The following KDM4C variants were observed in gnomAD, a reference collection of about 807,000 sequenced individuals.
KDM4C encodes the protein lysine-specific demethylase 4C.
In KDM4C, 81 loss-of-function variants were observed where a neutral mutation model predicts 129.3. The ratio of observed to expected loss-of-function variants is 0.63; its 90% CI spans 0.52 to 0.75. The LOEUF (loss-of-function observed/expected upper bound fraction) is 0.75. KDM4C is among the 30% of genes least tolerant of loss of function. The pLI is 0.00. For synonymous variants in KDM4C, 573 were observed against 456.1 expected (o/e 1.26, Z -3.26); for missense variants, 1,457 against 1,304.0 (o/e 1.12, Z -1.81).
At chr9:6,815,305 A>G (rs1831879634) in intron 4 of KDM4C, among the ~76,000 whole-genome samples, 1 of 152,048 alleles carries the variant, frequency 6.6e-6, no homozygotes, top group Non-Finnish European at 1.5e-5. Flanking sequence ...TTAAAACCCT[A>G]ATTCTAAAAG....
intron 17 of KDM4C, among the ~76,000 whole-genome samples, chr9:7,084,500 T>G (rs77928848): frequency 1.3e-5 from 2 of 152,374 alleles, no homozygotes; most frequent in African/African-American, 4.8e-5. Context: ...GGCCTTCTCC[T>G]TAATAACTTT....
At chr9:7,032,317 A>G (rs1826914718) in intron 15 of KDM4C, among the ~76,000 whole-genome samples, 1 of 152,178 alleles carries the variant, frequency 6.6e-6, no homozygotes, top group African/African-American at 2.4e-5. Context: ...ATTAAAGAAA[A>G]TTTGTATGGT....
At chr9:6,811,276 C>T (rs548115171) in intron 3 of KDM4C, among the ~76,000 whole-genome samples, 9 of 152,282 alleles carry the variant, frequency 5.9e-5, no homozygotes, top group Admixed American at 3.9e-4. Context: ...GCCTCAGCCT[C>T]CCGAGCAGCT....
At position 6,797,646 on chromosome 9, in the gene KDM4C, G is replaced by A. The variant is rs1248363444; in HGVS notation, c.144+4514G>A. On this transcript the variant is annotated intron_variant, in intron 2 of 21. Coordinates refer to ENST00000381309, the MANE Select transcript of KDM4C (RefSeq NM_015061.6). Reference sequence around the variant, plus strand: ...ATCTGAACATAGATTGTCCTGGACTGTAGCTTATGCACATCATGTAGTTTT... The same window carrying A: ...ATCTGAACATAGATTGTCCTGGACTATAGCTTATGCACATCATGTAGTTTT... 5.3e-5 allele frequency among the ~76,000 whole-genome samples: 8 copies of A among 152,186 alleles called. No homozygotes were observed. The East Asian group carries it at 1.3e-3, about 26-fold the overall frequency.
At chr9:6,795,259 T>C (rs1214975332) in intron 2 of KDM4C, among the ~76,000 whole-genome samples, 3 of 152,232 alleles carry the variant, frequency 2.0e-5, no homozygotes, top group African/African-American at 7.2e-5. Context: ...ATGCTACTTG[T>C]AACCCACTAC....
At chr9:6,897,606 C>G (rs1816670807) in intron 8 of KDM4C, among the ~76,000 whole-genome samples, 1 of 152,122 alleles carries the variant, frequency 6.6e-6, no homozygotes, top group South Asian at 2.1e-4. Context: ...TCATTTGCTG[C>G]TGATGGGCAG....
intron 8 of KDM4C, among the ~76,000 whole-genome samples, chr9:6,905,649 T>G (rs551747762): frequency 1.3e-5 from 2 of 152,290 alleles, no homozygotes; most frequent in East Asian, 3.9e-4. Context: ...GATTTGTAGG[T>G]GGGTTTAACT....
At chr9:7,156,155 T>G (rs1843148552) in intron 19 of KDM4C, among the ~76,000 whole-genome samples, 1 of 152,254 alleles carries the variant, frequency 6.6e-6, no homozygotes, top group South Asian at 2.1e-4. Context: ...AAGTGTCTTC[T>G]TTTGAGAAGG....
At chr9:6,920,974 C>T (rs1411413342) in intron 8 of KDM4C, among the ~76,000 whole-genome samples, 2 of 152,098 alleles carry the variant, frequency 1.3e-5, no homozygotes, top group Non-Finnish European at 2.9e-5. Flanking sequence ...CTTACATGAC[C>T]TCCTGGCAGC....
chr9:6,947,833 T>G (rs1286887841), intron 8 of KDM4C, among the ~76,000 whole-genome samples: 1 of 152,138 alleles, frequency 6.6e-6, no homozygotes, highest in Non-Finnish European at 1.5e-5. Context: ...TGATATTTTT[T>G]TTTTACCAGC....
At chr9:6,987,733 T>C (rs921305490) in intron 11 of KDM4C, among the ~76,000 whole-genome samples, 4 of 152,186 alleles carry the variant, frequency 2.6e-5, no homozygotes, top group Non-Finnish European at 5.9e-5. Flanking sequence ...TATCTTTTTA[T>C]GTAGAATTGT....
intron 12 of KDM4C, among the ~76,000 whole-genome samples, chr9:7,000,045 C>A (rs1342331680): frequency 6.6e-6 from 1 of 152,180 alleles, no homozygotes. Flanking sequence ...TGATAGGTCA[C>A]AGCCAGTGTT....
chr9:6,966,801 C>G (rs1435421553), intron 8 of KDM4C, among the ~76,000 whole-genome samples: 1 of 152,098 alleles, frequency 6.6e-6, no homozygotes, highest in Non-Finnish European at 1.5e-5. Flanking sequence ...CAAGATTTAT[C>G]TTAGACCTGA....
chr9:6,890,687 G>C (rs1845995585), intron 7 of KDM4C, among the ~76,000 whole-genome samples: 1 of 151,774 alleles, frequency 6.6e-6, no homozygotes, highest in African/African-American at 2.4e-5. Flanking sequence ...GAGAAGGTTT[G>C]TAGGTAGGAT....
chr9:6,934,226 AATCCT>A (rs370620441), intron 8 of KDM4C, among the ~76,000 whole-genome samples: 234 of 151,992 alleles, frequency 1.5e-3, no homozygotes, highest in Non-Finnish European at 2.6e-3. Flanking sequence ...TCACGCCGGT[AATCCT>A]ATCACTTTGG....
At chr9:7,102,659 G>A (rs984373146) in intron 17 of KDM4C, among the ~76,000 whole-genome samples, 26 of 152,156 alleles carry the variant, frequency 1.7e-4, no homozygotes, top group African/African-American at 3.4e-4. Flanking sequence ...ATTCTTGCAC[G>A]TCTCTGATAA....
At chr9:6,962,187 A>G (rs1830156554) in intron 8 of KDM4C, among the ~76,000 whole-genome samples, 1 of 152,236 alleles carries the variant, frequency 6.6e-6, no homozygotes, top group South Asian at 2.1e-4. Flanking sequence ...ACACATTTAA[A>G]TATATCTTGT....
intron 18 of KDM4C, among the ~76,000 whole-genome samples, chr9:7,104,809 T>G (rs551461221): frequency 6.6e-6 from 1 of 152,330 alleles, no homozygotes; most frequent in East Asian, 1.9e-4. Context: ...TAACCTCTTG[T>G]GAGCAGCCTG....
Position 6,796,341 on chromosome 9 carries a change from A to T in KDM4C, c.144+3209A>T, listed in dbSNP as rs565033953. 3.9e-5 allele frequency among the ~76,000 whole-genome samples: 6 copies of T among 152,292 alleles called. No homozygotes were observed. In the South Asian group the frequency reaches 1.2e-3, roughly 32 times the overall value. The stretch of plus-strand genomic sequence containing the variant: ...GCGCCTGTAGTCCCAGCTAATCGGG[A>T]GGCTGAGCCAGGATAATCACTTGAA... On this transcript the variant is annotated intron_variant, in intron 2 of 21. Transcript: ENST00000381309.
Sources: gnomAD v4.1 joint callset for allele counts (sites outside exome capture counted in the v4.1 genomes callset) on GRCh38, gnomAD v4.1.1 for gene constraint, MANE v1.5 for transcripts, NCBI Gene and HGNC (gene_info 2026-07-23, HGNC 2026-07-21) for gene names.